HAL: variants seen among roughly 807,000 people sequenced by gnomAD.
The protein encoded by HAL is histidase.
Under a neutral mutation model 81.1 loss-of-function variants are expected in HAL, and 85 were observed. The ratio of observed to expected loss-of-function variants is 1.05; its 90% CI spans 0.88 to 1.25. The LOEUF (loss-of-function observed/expected upper bound fraction) is 1.25. Among genes scored for constraint, HAL ranks in the 50% most tolerant of loss-of-function variants. The pLI is 0.00. For synonymous variants in HAL, 301 were observed against 309.2 expected, an observed-to-expected ratio of 0.97 and a Z score of 0.28; for missense variants, 798 against 836.6, an observed-to-expected ratio of 0.95 and a Z score of 0.57.
intron 17 of HAL, 69 bp downstream of exon 17, chr12:95,980,487 C>G: frequency 6.9e-7 from 1 of 1,450,518 alleles, no homozygotes; most frequent in South Asian, 1.1e-5. Flanking sequence ...ACATTTGATA[C>G]TTCTAGGTGA....
At chr12:95,986,225 G>GTAGTGAGACCCCCA in intron 12 of HAL, 65 bp from the exon 13 acceptor site, 2 of 932,706 alleles carry the variant, frequency 2.1e-6, no homozygotes, top group Non-Finnish European at 3.5e-6. Flanking sequence ...AAAGATGGGG[G>GTAGTGAGACCCCCA]TCTCACTACG....
Position 95,992,775 on chromosome 12 carries a change from C to CA in HAL, c.619dup (p.Cys207LeufsTer32). ...GATCCTTAAAGCCAAGAGCATCCGACACCTCTCAGGACTTAGTGGTTTCCC... is the reference window on the plus strand; with the variant it reads ...GATCCTTAAAGCCAAGAGCATCCGACAACCTCTCAGGACTTAGTGGTTTCCC... On this transcript the variant is annotated frameshift_variant, in exon 9 of 21. Transcript: ENST00000261208. LOFTEE classifies it high-confidence loss of function. 6.2e-7 allele frequency: 1 copy of CA among 1,612,916 alleles called. No individual in the cohort carries two copies. The highest frequency in any genetic ancestry group is 8.5e-7 in the Non-Finnish European group (1 of 1,178,902).
chr12:95,974,162 C>G lies in HAL; in HGVS notation c.*70G>C, dbSNP rs779776486. The G allele has an allele frequency of 7.4e-7, 1 of 1,358,550 alleles. No individual in the cohort carries two copies. Among genetic ancestry groups the G allele is most frequent in the Non-Finnish European group, 1.1e-6 (1 of 946,762 alleles). 84.2% of individuals were successfully genotyped at this position (1,358,550 alleles called of 1,614,324 possible). ...TCTACCTAGGAAAGTTCTCAGGTCT[C>G]TCCTTCAGCCTAGTATTGCTTTGTG... On this transcript the variant is annotated 3_prime_UTR_variant, in exon 21 of 21. Coordinates refer to ENST00000261208, the MANE Select transcript of HAL (RefSeq NM_002108.4).
At position 95,985,821 on chromosome 12, in the gene HAL, C is replaced by T. The variant is rs150781024; in HGVS notation, c.1206+87G>A. ...CATTACATGTTTTTCTAACACTTTC[C>T]TATTTTAAAATTTTTCATCCTGAAC... On this transcript the variant is annotated intron_variant, in intron 14 of 20. Coordinates refer to ENST00000261208, the MANE Select transcript of HAL (RefSeq NM_002108.4). 37 of 856,038 alleles carry T rather than the reference C, an allele frequency of 4.3e-5. No individual in the cohort carries two copies. The Middle Eastern group carries it at 7.0e-4, about 16-fold the overall frequency. The allele number at this position is 856,038 out of a possible 1,614,324, so 53.0% of individuals were successfully genotyped here.
intron 9 of HAL, among the ~76,000 whole-genome samples, chr12:95,991,129 G>A (rs1949965629): frequency 6.6e-6 from 1 of 152,100 alleles, no homozygotes; most frequent in Non-Finnish European, 1.5e-5. Context: ...TAAGAAGAAG[G>A]AAGGAGGACA....
Position 95,994,003 on chromosome 12 carries a change from G to A in HAL, c.412-5C>T, listed in dbSNP as rs1420152203. The A allele has an allele frequency of 4.3e-6, 7 of 1,611,162 alleles. No homozygotes were observed. The highest frequency in any genetic ancestry group is 5.9e-6 in the Non-Finnish European group (7 of 1,177,444). Reference sequence around the variant, plus strand: ...CTTCTCAGCTGTTGGGGTGAGCTAGGAAAATGTTGATCAGAACTGAGCACG... The same window carrying A: ...CTTCTCAGCTGTTGGGGTGAGCTAGAAAAATGTTGATCAGAACTGAGCACG... On this transcript the variant is annotated splice_polypyrimidine_tract_variant and splice_region_variant and intron_variant, in intron 5 of 20. Transcript: ENST00000261208.
In HAL at chr12:95,994,954, G is replaced by A. The variant is rs142371886; in HGVS notation, c.287C>T (p.Ser96Phe). The A allele has an allele frequency of 5.4e-4, 878 of 1,612,902 alleles. No homozygotes were observed. Among genetic ancestry groups the A allele is most frequent in the Non-Finnish European group, 7.0e-4 (830 of 1,178,976 alleles). Residue 96 changes from serine to phenylalanine, a missense_variant, in exon 3 of 21, where the codon TCT becomes TTT. Transcript: ENST00000261208. ...GDAMSPDFIP[S>F]QPEGVYLYSK... ...ATACAGATAAACTCCTTCTGGTTGA[G>A]ATGGAATGAAGTCAGGAGACATGGC... is the stretch of plus-strand genomic sequence containing the variant.
chr12:95,996,104 G>C lies in HAL; in HGVS notation c.-108C>G. ...TGCTGTCCCTTTGGTTTTTGTAGCCGAGCAGGGGCAGGAGCAGGGGATGCA... is the reference window on the plus strand; with the variant it reads ...TGCTGTCCCTTTGGTTTTTGTAGCCCAGCAGGGGCAGGAGCAGGGGATGCA... On this transcript the variant is annotated 5_prime_UTR_variant, in exon 1 of 21. Transcript: ENST00000261208. 1 of 626,272 alleles carries C rather than the reference G, an allele frequency of 1.6e-6. No individual in the cohort carries two copies. The allele number at this position is 626,272 out of a possible 1,614,324, so 38.8% of individuals were successfully genotyped here.
intron 1 of HAL, 29 bp downstream of exon 1, chr12:95,996,049 A>G: frequency 2.4e-6 from 2 of 837,932 alleles, no homozygotes; most frequent in Non-Finnish European, 3.9e-6. Context: ...TTACTCATTC[A>G]TGCATTGGAC....
rs753645470 is a variant in HAL at position 95,994,844 on chromosome 12, A to G, written c.309-19T>C. On this transcript the variant is annotated intron_variant, in intron 3 of 20. Transcript: ENST00000261208. ...GCTGTATCTGTATCCAGGTAAAGGA[A>G]CATATAGGGTGGTGTGGAAAAACCC... is the stretch of plus-strand genomic sequence containing the variant. The G allele has an allele frequency of 3.7e-6, 6 of 1,613,978 alleles. No individual in the cohort carries two copies. In the South Asian group the frequency reaches 6.6e-5, roughly 18 times the overall value.
Position 95,980,732 on chromosome 12 carries a change from G to T in HAL, c.1354-11C>A. ...CAAGTAGTCTAGGGCCTGAAAGAGG[G>T]TCTCCATTTAGTCAGCCTATATTGA... On this transcript the variant is annotated splice_polypyrimidine_tract_variant and intron_variant, in intron 16 of 20. Transcript: ENST00000261208. 6.2e-7 allele frequency: 1 copy of T among 1,612,638 alleles called. No individual in the cohort carries two copies. The highest frequency in any genetic ancestry group is 1.7e-5 in the Admixed American group (1 of 60,020).
intron 2 of HAL, 164 bp from the exon 3 acceptor site, chr12:95,995,157 G>A: frequency 4.4e-6 from 3 of 680,942 alleles, no homozygotes; most frequent in Admixed American, 4.3e-5. Context: ...TATGTAGGAG[G>A]AGAGCAAAAA....
chr12:95,991,593 GAAAT>G (rs1949971065), intron 9 of HAL, among the ~76,000 whole-genome samples: 2 of 152,182 alleles, frequency 1.3e-5, no homozygotes, highest in Non-Finnish European at 2.9e-5. Flanking sequence ...TCATTTTTCT[GAAAT>G]AAAATCAGAT....
rs755461558 is a variant in HAL, at chr12:95,995,008, G to A, written c.248-15C>T. On this transcript the variant is annotated splice_polypyrimidine_tract_variant and intron_variant, in intron 2 of 20. Transcript: ENST00000261208. ...ACCCTCTATAACTAAAACAATGCACGGGAGACTCGTTACAGATCACATTGT... is the reference window on the plus strand; with the variant it reads ...ACCCTCTATAACTAAAACAATGCACAGGAGACTCGTTACAGATCACATTGT... The A allele has an allele frequency of 1.8e-5, 28 of 1,587,804 alleles. No homozygotes were observed. Among genetic ancestry groups the A allele is most frequent in the East Asian group, 2.2e-5 (1 of 44,762 alleles).
In HAL at chr12:95,993,747, G is replaced by C. The variant is rs367564841; in HGVS notation, c.551+25C>G. 10 of 1,289,474 alleles carry C rather than the reference G, an allele frequency of 7.8e-6. No homozygotes were observed. In the African/African-American group the frequency reaches 1.5e-4, roughly 19 times the overall value. The allele number at this position is 1,289,474 out of a possible 1,614,324, so 79.9% of individuals were successfully genotyped here. ...TAAAAGATGAGGGTAGGTGGAACGTGAACATATGTGTGTTTTAAACTTACT... is the reference window on the plus strand; with the variant it reads ...TAAAAGATGAGGGTAGGTGGAACGTCAACATATGTGTGTTTTAAACTTACT... On this transcript the variant is annotated intron_variant, in intron 7 of 20. Transcript: ENST00000261208.
intron 9 of HAL, 128 bp downstream of exon 9, chr12:95,992,552 G>T: frequency 1.2e-6 from 1 of 842,252 alleles, no homozygotes. Flanking sequence ...TTTGCCAACG[G>T]CATTTCCCAC....
chr12:95,994,800 T>C lies in HAL; in HGVS notation c.334A>G (p.Lys112Glu), dbSNP rs770035518. Residue 112 changes from lysine (K) to glutamate (E), a missense_variant and splice_region_variant, in exon 4 of 21, where the codon AAG (lysine) becomes GAG (glutamate). Lys to Glu is a moderately conservative substitution (Grantham distance 56, BLOSUM62 1). Coordinates refer to ENST00000261208, the MANE Select transcript of HAL (RefSeq NM_002108.4). ...AAAGAAAGTGGTTTGAAGCTTACCT[T>C]TTCAGGCTCCCGGTACTTGCTGTAT... is the stretch of plus-strand genomic sequence containing the variant. ...YLYSKYREPEKYIELDGDRLT... is the reference protein window; with the variant it reads ...YLYSKYREPEEYIELDGDRLT... 2 of 1,614,034 alleles carry C rather than the reference T, an allele frequency of 1.2e-6. No homozygotes were observed. Among genetic ancestry groups the C allele is most frequent in the South Asian group, 1.1e-5 (1 of 91,084 alleles).
In HAL at chr12:95,980,556, C is replaced by T. The variant is rs370280919; in HGVS notation, c.1519G>A (p.Val507Ile). The change falls in exon 17 of 21, where the codon GTT becomes ATT. Residue 507 changes from valine to isoleucine, a missense_variant and splice_region_variant. By Grantham distance (29) the Val-to-Ile change is conservative (BLOSUM62 3). Coordinates refer to ENST00000261208, the MANE Select transcript of HAL (RefSeq NM_002108.4). The stretch of plus-strand genomic sequence containing the variant: ...TCTGGGAAAGGGGCAGTGTCCTTAC[C>T]AAGGGCTGCTGCCGTGCAGTGAGCT... Reference protein sequence around the residue: ...MIAHCTAAALVSENKALCHPS... With the variant: ...MIAHCTAAALISENKALCHPS... The T allele has an allele frequency of 1.1e-5, 18 of 1,612,916 alleles. No homozygotes were observed. In the African/African-American group the frequency reaches 2.0e-4, roughly 18 times the overall value.
At position 95,976,457 on chromosome 12, in the gene HAL, G is replaced by C. The variant is rs1220914394; in HGVS notation, c.1805C>G (p.Ala602Gly). 1 of 1,614,032 alleles carries C rather than the reference G, an allele frequency of 6.2e-7. No homozygotes were observed. The highest frequency in any genetic ancestry group is 8.5e-7 in the Non-Finnish European group (1 of 1,179,878). ...CTGCTCCAGGAGCAGCCTGTGGGCT[G>C]CCTCGATGTCCGGGGCCATGAAGCG... is the stretch of plus-strand genomic sequence containing the variant. The part of the protein sequence containing the change: ...KDRFMAPDIE[A>G]AHRLLLEQKV... The change falls in exon 20 of 21, where the codon GCA (alanine) becomes GGA (glycine). Residue 602 changes from alanine to glycine, a missense_variant. Transcript: ENST00000261208.
Sources: allele counts gnomAD v4.1 joint callset (sites outside exome capture counted in the v4.1 genomes callset), GRCh38; gene constraint gnomAD v4.1.1; transcripts MANE v1.5; gene names NCBI Gene and HGNC (gene_info 2026-07-23, HGNC 2026-07-21).